Variants in COL23A1 observed in about 807,000 individuals in gnomAD.
The protein encoded by COL23A1 is collagen alpha-1(XXIII) chain.
In COL23A1, 97 loss-of-function variants were observed where a neutral mutation model predicts 99.3. That is an observed-to-expected ratio of 0.98 (90% confidence interval 0.83 to 1.16). COL23A1 has a LOEUF of 1.16. Among genes scored for constraint, COL23A1 ranks in the 50% most tolerant of loss-of-function variants. COL23A1 has a pLI of 0.00. For synonymous variants in COL23A1, 320 were observed against 308.2 expected, an observed-to-expected ratio of 1.04 and a Z score of -0.40; for missense variants, 762 against 757.4, an observed-to-expected ratio of 1.01 and a Z score of -0.07.
rs1041628988 is a variant in COL23A1, at chr5:178,564,410, C to CT, written c.295-3663dup. Reference sequence around the variant, plus strand: ...AATCTCACAATCTTTACTTCATGCTCTTTTTTTTTTTAATCCTAAGAAAAT... The same window carrying CT: ...AATCTCACAATCTTTACTTCATGCTCTTTTTTTTTTTTAATCCTAAGAAAAT... On this transcript the variant is annotated intron_variant, in intron 1 of 28. Coordinates refer to ENST00000390654, the MANE Select transcript of COL23A1 (RefSeq NM_173465.4). 3.9e-3 allele frequency among the ~76,000 whole-genome samples: 573 copies of CT among 146,466 alleles called. 2 individuals carry two copies. Among genetic ancestry groups the CT allele is most frequent in the Non-Finnish European group, 4.8e-3 (320 of 66,246 alleles).
chr5:178,367,731 G>T (rs1686392490), intron 2 of COL23A1, among the ~76,000 whole-genome samples: 1 of 152,224 alleles, frequency 6.6e-6, no homozygotes, highest in Non-Finnish European at 1.5e-5. Context: ...TCATCCAAAC[G>T]CCTACTTCCC....
intron 2 of COL23A1, among the ~76,000 whole-genome samples, chr5:178,420,358 C>T (rs893697262): frequency 2.7e-5 from 4 of 149,538 alleles, no homozygotes; most frequent in Middle Eastern, 3.2e-3. Context: ...CCTCCCCTGC[C>T]CCTCCTCTCT....
At chr5:178,326,900 A>C (rs1176329250) in intron 2 of COL23A1, among the ~76,000 whole-genome samples, 1 of 152,158 alleles carries the variant, frequency 6.6e-6, no homozygotes, top group African/African-American at 2.4e-5. Context: ...TCGTATTTTT[A>C]GTAGAGACGG....
chr5:178,316,134 T>C (rs2127618836), intron 2 of COL23A1, among the ~76,000 whole-genome samples: 1 of 152,322 alleles, frequency 6.6e-6, no homozygotes, highest in East Asian at 1.9e-4. Context: ...CGGATGGTCA[T>C]TCCAGCACTA....
chr5:178,265,736 A>C, intron 8 of COL23A1: 2 of 985,144 alleles, frequency 2.0e-6, no homozygotes, highest in Non-Finnish European at 2.4e-6. Context: ...TCTAGTCAGC[A>C]GATAGGTTGT....
chr5:178,446,699 C>T (rs1252411457), intron 2 of COL23A1, among the ~76,000 whole-genome samples: 1 of 152,152 alleles, frequency 6.6e-6, no homozygotes, highest in Non-Finnish European at 1.5e-5. Flanking sequence ...TGCAACAAAA[C>T]TTCATGTTTT....
At position 178,475,881 on chromosome 5, in the gene COL23A1, C is replaced by A. The variant is rs1185062433; in HGVS notation, c.361+84801G>T. Among the ~76,000 whole-genome samples, 4 of 152,276 alleles carry A rather than the reference C, an allele frequency of 2.6e-5. No individual in the cohort carries two copies. The East Asian group carries it at 7.7e-4, about 29-fold the overall frequency. Reference sequence around the variant, plus strand: ...TGCCCACAGCTCCTGGCTGGGAGGACCCCTGCGAAGGCCTCTAATTCTTCG... The same window carrying A: ...TGCCCACAGCTCCTGGCTGGGAGGAACCCTGCGAAGGCCTCTAATTCTTCG... On this transcript the variant is annotated intron_variant, in intron 2 of 28. Coordinates refer to ENST00000390654, the MANE Select transcript of COL23A1 (RefSeq NM_173465.4).
rs1478709962 is a variant in COL23A1 at position 178,415,694 on chromosome 5, G to A, written c.362-108775C>T. Among the ~76,000 whole-genome samples, 1 of 152,224 alleles carries A rather than the reference G, an allele frequency of 6.6e-6. No homozygotes were observed. ...GTGGGCAGTCAGCAGACTGTCCCAC[G>A]CCACATCTGTGCCCGAGCCCTGCTG... On this transcript the variant is annotated intron_variant, in intron 2 of 28. Coordinates refer to ENST00000390654, the MANE Select transcript of COL23A1 (RefSeq NM_173465.4). The surrounding 1 kb of genome is among the most constrained non-coding windows in gnomAD (Gnocchi z 4.6).
intron 2 of COL23A1, among the ~76,000 whole-genome samples, chr5:178,556,693 C>A (rs1762293969): frequency 6.9e-6 from 1 of 144,640 alleles, no homozygotes; most frequent in Admixed American, 7.1e-5. Flanking sequence ...GTAGCTCATG[C>A]CTGTAGTCCA....
rs572999384 is a variant in COL23A1 at position 178,520,363 on chromosome 5, G to A, written c.361+40319C>T. Among the ~76,000 whole-genome samples the A allele has an allele frequency of 1.1e-4, 16 of 152,244 alleles. 1 individual carries two copies. In the South Asian group the frequency reaches 2.9e-3, roughly 28 times the overall value. ...CTATCAGTTCCTCCAAGACCCCTTC[G>A]GAACTGCACCAACACCTCATACGAC... is the stretch of plus-strand genomic sequence containing the variant. On this transcript the variant is annotated intron_variant, in intron 2 of 28. Transcript: ENST00000390654.
At chr5:178,251,084 A>G (rs1166327493) in intron 17 of COL23A1, among the ~76,000 whole-genome samples, 1 of 144,982 alleles carries the variant, frequency 6.9e-6, no homozygotes, top group East Asian at 2.1e-4. Context: ...GTGCAGTGGC[A>G]CAACCTCGAC....
intron 2 of COL23A1, among the ~76,000 whole-genome samples, chr5:178,312,257 T>C (rs2913772): frequency 0.78 from 118,316 of 151,928 alleles, 46,551 homozygotes; most frequent in Non-Finnish European, 0.83. Flanking sequence ...GCTGAGCTCT[T>C]TGGGAATGAG....
At chr5:178,438,215 C>T (rs1429749914) in intron 2 of COL23A1, among the ~76,000 whole-genome samples, 1 of 152,154 alleles carries the variant, frequency 6.6e-6, no homozygotes, top group Non-Finnish European at 1.5e-5. Context: ...TAACACAGTC[C>T]AACTTTACAA....
chr5:178,552,180 C>G (rs1024268906), intron 2 of COL23A1, among the ~76,000 whole-genome samples: 1 of 152,184 alleles, frequency 6.6e-6, no homozygotes, highest in Non-Finnish European at 1.5e-5. Flanking sequence ...TTCTCCGCAT[C>G]TGTTATGGGT....
Position 178,365,868 on chromosome 5 carries a change from C to T in COL23A1, c.362-58949G>A, listed in dbSNP as rs933313220. Among the ~76,000 whole-genome samples the T allele has an allele frequency of 6.6e-6, 1 of 152,036 alleles. No individual in the cohort carries two copies. Among genetic ancestry groups the T allele is most frequent in the African/African-American group, 2.4e-5 (1 of 41,394 alleles). On this transcript the variant is annotated intron_variant, in intron 2 of 28. Transcript: ENST00000390654. This position sits in a 1 kb window ranked among gnomAD's most constrained non-coding sequence, Gnocchi z 5.2. ...TCTCCTGGCCACATGGGGAGCTCCTCGAGGGCAAGGCCTGGGAACATCTGG... is the reference window on the plus strand; with the variant it reads ...TCTCCTGGCCACATGGGGAGCTCCTTGAGGGCAAGGCCTGGGAACATCTGG...
intron 5 of COL23A1, among the ~76,000 whole-genome samples, chr5:178,286,351 C>T (rs1757149837): frequency 6.6e-6 from 1 of 152,158 alleles, no homozygotes. Flanking sequence ...AGTGTCAAGC[C>T]TGAGGGACGC....
chr5:178,328,913 TAAG>T (rs1759850177), intron 2 of COL23A1, among the ~76,000 whole-genome samples: 1 of 152,034 alleles, frequency 6.6e-6, no homozygotes, highest in Admixed American at 6.5e-5. Flanking sequence ...CCAGCAACAA[TAAG>T]AATGCTGAGA....
intron 2 of COL23A1, among the ~76,000 whole-genome samples, chr5:178,320,808 T>C (rs1759254930): frequency 6.6e-6 from 1 of 152,184 alleles, no homozygotes; most frequent in South Asian, 2.1e-4. Flanking sequence ...TGCCTCCCGG[T>C]GTCTCACACC....
At chr5:178,379,558 G>A (rs1763262795) in intron 2 of COL23A1, among the ~76,000 whole-genome samples, 1 of 152,168 alleles carries the variant, frequency 6.6e-6, no homozygotes, top group South Asian at 2.1e-4. Context: ...TATTACCCCT[G>A]TAATTAATAG....
Sources: gnomAD v4.1 joint callset for allele counts (sites outside exome capture counted in the v4.1 genomes callset) on GRCh38, gnomAD v4.1.1 for gene constraint, Gnocchi (gnomAD v3.1) non-coding constraint, MANE v1.5 for transcripts, NCBI Gene and HGNC (gene_info 2026-07-23, HGNC 2026-07-21) for gene names.